The following NRXN3 variants were observed in gnomAD, a reference collection of about 807,000 sequenced individuals.
NRXN3 encodes neurexin 3.
NRXN3 carries 32 observed loss-of-function variants against 137.6 expected under a neutral mutation model. That is an observed-to-expected ratio of 0.23 (90% CI 0.18 to 0.31). The LOEUF is 0.31. Among genes scored for constraint, NRXN3 ranks in the 10% least tolerant of loss-of-function variants. The pLI, the probability that NRXN3 is intolerant of heterozygous loss-of-function variation, is 1.00. For synonymous variants in NRXN3, 798 were observed against 784.5 expected (o/e 1.02, Z -0.29); for missense variants, 1,574 against 2,062.5 (o/e 0.76, Z 4.59).
intron 16 of NRXN3, among the ~76,000 whole-genome samples, chr14:79,480,123 G>C (rs1042387343): frequency 1.3e-5 from 2 of 152,130 alleles, no homozygotes; most frequent in African/African-American, 4.8e-5. Flanking sequence ...ACCATGGCCT[G>C]TCATCCCTTG....
intron 20 of NRXN3, among the ~76,000 whole-genome samples, chr14:79,841,373 C>G (rs1418791456): frequency 6.6e-6 from 1 of 152,134 alleles, no homozygotes; most frequent in Non-Finnish European, 1.5e-5. Flanking sequence ...TGTCCAGCTG[C>G]TACCACCCAA....
At chr14:79,482,009 A>G (rs2096613625) in intron 16 of NRXN3, among the ~76,000 whole-genome samples, 2 of 152,186 alleles carry the variant, frequency 1.3e-5, no homozygotes, top group African/African-American at 4.8e-5. Flanking sequence ...CTTAGCTGCT[A>G]CAATTAGGGA....
At chr14:79,775,506 T>A (rs2099093952) in intron 19 of NRXN3, among the ~76,000 whole-genome samples, 2 of 126,234 alleles carry the variant, frequency 1.6e-5, no homozygotes, top group African/African-American at 3.1e-5. Context: ...CTAAGATGGA[T>A]AAGACTGAAA....
At chr14:79,287,251 A>C (rs1394971077) in intron 15 of NRXN3, among the ~76,000 whole-genome samples, 1 of 152,220 alleles carries the variant, frequency 6.6e-6, no homozygotes, top group Non-Finnish European at 1.5e-5. Flanking sequence ...AGCATGGGAC[A>C]AAAGTCAGCT....
At chr14:79,230,188 C>T (rs767919969) in intron 15 of NRXN3, among the ~76,000 whole-genome samples, 6 of 151,390 alleles carry the variant, frequency 4.0e-5, no homozygotes, top group Non-Finnish European at 8.8e-5. Context: ...TTTTTTTTCT[C>T]CAAAGGGAAC....
intron 4 of NRXN3, among the ~76,000 whole-genome samples, chr14:78,556,197 T>TCCCCCACCCC (rs1259506169): frequency 6.6e-6 from 1 of 152,148 alleles, no homozygotes; most frequent in Non-Finnish European, 1.5e-5. Context: ...CTTCCCAGCT[T>TCCCCCACCCC]CCCCCACCCC....
chr14:78,472,455 T>C (rs1318493075), intron 4 of NRXN3, among the ~76,000 whole-genome samples: 1 of 152,178 alleles, frequency 6.6e-6, no homozygotes, highest in Non-Finnish European at 1.5e-5. Context: ...TTTGTTCTTA[T>C]GTGGAAAATT....
intron 4 of NRXN3, among the ~76,000 whole-genome samples, chr14:78,373,425 G>A (rs2087224572): frequency 6.6e-6 from 1 of 152,190 alleles, no homozygotes; most frequent in Non-Finnish European, 1.5e-5. Flanking sequence ...CACCTGTGTG[G>A]AGATAGCTTA....
intron 19 of NRXN3, among the ~76,000 whole-genome samples, chr14:79,736,023 C>T (rs1350719560): frequency 6.6e-6 from 1 of 152,078 alleles, no homozygotes; most frequent in African/African-American, 2.4e-5. Context: ...TTATCTTGTT[C>T]CAGGGCATTG....
chr14:79,245,831 G>A (rs1027507073), intron 15 of NRXN3, among the ~76,000 whole-genome samples: 3 of 152,050 alleles, frequency 2.0e-5, no homozygotes, highest in South Asian at 2.1e-4. Context: ...TAATCACTGC[G>A]ATACTGTTCA....
At chr14:78,518,681 C>A (rs1349868046) in intron 4 of NRXN3, among the ~76,000 whole-genome samples, 3 of 152,120 alleles carry the variant, frequency 2.0e-5, no homozygotes, top group African/African-American at 7.2e-5. Flanking sequence ...AATCAAAAGT[C>A]AGGCTTTTTG....
intron 15 of NRXN3, among the ~76,000 whole-genome samples, chr14:79,151,667 A>G (rs1430326195): frequency 1.3e-5 from 2 of 152,024 alleles, no homozygotes; most frequent in Admixed American, 1.3e-4. Flanking sequence ...TCAGCCTCTG[A>G]GAATCTGAGA....
chr14:79,414,233 T>A (rs1210313860), intron 15 of NRXN3, among the ~76,000 whole-genome samples: 1 of 151,956 alleles, frequency 6.6e-6, no homozygotes, highest in Admixed American at 6.6e-5. Flanking sequence ...TTAGGCAGGG[T>A]TATAGACAGT....
intron 16 of NRXN3, among the ~76,000 whole-genome samples, chr14:79,546,241 A>G (rs895372725): frequency 3.3e-5 from 5 of 152,170 alleles, no homozygotes; most frequent in African/African-American, 9.7e-5. Context: ...TTTGCAAGTT[A>G]TGCAATTTTG....
At chr14:79,709,482 A>C (rs1326306171) in intron 19 of NRXN3, among the ~76,000 whole-genome samples, 2 of 152,176 alleles carry the variant, frequency 1.3e-5, no homozygotes, top group East Asian at 3.9e-4. Flanking sequence ...GATGGAAAAA[A>C]ACATAGGTAA....
chr14:78,473,129 G>A lies in NRXN3; in HGVS notation c.758-171991G>A, dbSNP rs370298783. Among the ~76,000 whole-genome samples the A allele has an allele frequency of 6.6e-5, 10 of 152,180 alleles. No individual in the cohort carries two copies. The East Asian group carries it at 1.6e-3, about 24-fold the overall frequency. Reference sequence around the variant, plus strand: ...AAAAGAAAAACCTTTCTGGCCGGGCGTGGTGGCTCAAGCCTGTAATCCCAG... The same window carrying A: ...AAAAGAAAAACCTTTCTGGCCGGGCATGGTGGCTCAAGCCTGTAATCCCAG... On this transcript the variant is annotated intron_variant, in intron 4 of 20. Coordinates refer to ENST00000335750, the MANE Select transcript of NRXN3 (RefSeq NM_001330195.2).
At chr14:79,188,033 T>A (rs1336912223) in intron 15 of NRXN3, among the ~76,000 whole-genome samples, 2 of 152,222 alleles carry the variant, frequency 1.3e-5, no homozygotes, top group East Asian at 3.8e-4. Context: ...CCATAAGAGG[T>A]CAACTAGAGT....
At position 78,971,470 on chromosome 14, in the gene NRXN3, C is replaced by T. The variant is rs190125468; in HGVS notation, c.3142+3124C>T. 2.1e-3 allele frequency among the ~76,000 whole-genome samples: 322 copies of T among 151,784 alleles called. 2 individuals carry two copies. Among genetic ancestry groups the T allele is most frequent in the African/African-American group, 7.0e-3 (290 of 41,398 alleles). On this transcript the variant is annotated intron_variant, in intron 14 of 20. Transcript: ENST00000335750. The stretch of plus-strand genomic sequence containing the variant: ...CACACACACACAGATAGATAAGTAT[C>T]TGTATCTATCTACATTTAATATATG...
chr14:79,163,427 G>T (rs956081709), intron 15 of NRXN3, among the ~76,000 whole-genome samples: 2 of 151,950 alleles, frequency 1.3e-5, no homozygotes, highest in Non-Finnish European at 2.9e-5. Flanking sequence ...TCTCTCTCAA[G>T]AGAGATAAAC....
Sources: gnomAD v4.1 joint callset for allele counts (sites outside exome capture counted in the v4.1 genomes callset) on GRCh38, gnomAD v4.1.1 for gene constraint, MANE v1.5 for transcripts, NCBI Gene and HGNC (gene_info 2026-07-23, HGNC 2026-07-21) for gene names.